The following OPHN1 variants were observed in gnomAD, a reference collection of about 807,000 sequenced individuals.
OPHN1 encodes the protein oligophrenin-1.
In OPHN1, 11 loss-of-function variants were observed where a neutral mutation model predicts 60.7. The ratio of observed to expected loss-of-function variants is 0.18; its 90% CI spans 0.11 to 0.30. The LOEUF is 0.30. OPHN1 is among the 10% of genes least tolerant of loss of function. The probability of loss-of-function intolerance (pLI) is 1.00; values close to 1 mark genes in which losing one functional copy is unlikely to be tolerated. For synonymous variants in OPHN1, 226 were observed against 222.6 expected (o/e 1.02, Z -0.14); for missense variants, 449 against 611.0 (o/e 0.73, Z 2.80).
intron 2 of OPHN1, among the ~76,000 whole-genome samples, chrX:68,422,152 A>G (rs186490957): frequency 1.8e-5 from 2 of 111,488 alleles, no homozygotes; most frequent in East Asian, 5.7e-4. Flanking sequence ...GAAACCTTCC[A>G]CTAATGCAAT....
chrX:68,224,311 A>G (rs1602251465), intron 6 of OPHN1, among the ~76,000 whole-genome samples: 1 of 111,694 alleles, frequency 9.0e-6, no homozygotes, highest in South Asian at 3.7e-4. Flanking sequence ...AAATGCCCCA[A>G]ATAATTGGAG....
intron 19 of OPHN1, among the ~76,000 whole-genome samples, chrX:68,078,860 C>A (rs985791748): frequency 9.1e-6 from 1 of 109,867 alleles, no homozygotes; most frequent in African/African-American, 3.3e-5. Flanking sequence ...TTGCAGCATG[C>A]CTGTAATCTC....
intron 15 of OPHN1, among the ~76,000 whole-genome samples, chrX:68,175,450 G>T (rs1318219189): frequency 1.8e-5 from 2 of 109,295 alleles, no homozygotes; most frequent in East Asian, 5.7e-4. Context: ...TTAAATCTTC[G>T]AAAAAGGAAA....
chrX:68,372,687 T>G (rs931144031), intron 2 of OPHN1, among the ~76,000 whole-genome samples: 5 of 110,635 alleles, frequency 4.5e-5, no homozygotes, highest in Non-Finnish European at 9.4e-5. Context: ...AATAAAACAT[T>G]TGTTTTGCCA....
intron 3 of OPHN1, among the ~76,000 whole-genome samples, chrX:68,296,969 G>A (rs1009594421): frequency 1.3e-4 from 14 of 110,878 alleles, no homozygotes; most frequent in African/African-American, 3.9e-4. Flanking sequence ...ATTGACATTT[G>A]CAGTGAGGTT....
At chrX:68,215,615 G>A (rs1486566113) in intron 6 of OPHN1, among the ~76,000 whole-genome samples, 1 of 111,591 alleles carries the variant, frequency 9.0e-6, no homozygotes, top group Non-Finnish European at 1.9e-5. Flanking sequence ...CTTGAAAGAA[G>A]CTAGAGAGAA....
chrX:68,200,960 C>A (rs897990077), intron 11 of OPHN1, among the ~76,000 whole-genome samples: 4 of 112,250 alleles, frequency 3.6e-5, no homozygotes, highest in African/African-American at 1.3e-4. Flanking sequence ...ATGCCAAATG[C>A]ATTCATTTGA....
At chrX:68,258,985 G>T (rs1295970530) in intron 5 of OPHN1, among the ~76,000 whole-genome samples, 1 of 111,883 alleles carries the variant, frequency 8.9e-6, no homozygotes, top group Non-Finnish European at 1.9e-5. Flanking sequence ...CAACCATTTT[G>T]TAGACCAATT....
intron 19 of OPHN1, among the ~76,000 whole-genome samples, chrX:68,081,788 G>A (rs186068617): frequency 0.021 from 2,299 of 111,056 alleles, 59 homozygotes; most frequent in African/African-American, 0.071. Context: ...AGTGGCTATG[G>A]CAATTTCTTA....
At chrX:68,396,231 G>A (rs1055502843) in intron 2 of OPHN1, among the ~76,000 whole-genome samples, 20 of 102,694 alleles carry the variant, frequency 1.9e-4, no homozygotes, top group Non-Finnish European at 3.8e-4. Flanking sequence ...CCAGGAGTTT[G>A]AGATGAGCCT....
At chrX:68,172,266 T>C (rs1262714482) in intron 15 of OPHN1, among the ~76,000 whole-genome samples, 2 of 112,266 alleles carry the variant, frequency 1.8e-5, no homozygotes, top group African/African-American at 6.5e-5. Flanking sequence ...AGAATATTAT[T>C]TGGCAATAAA....
chrX:68,128,423 A>G (rs1267319133), intron 15 of OPHN1, among the ~76,000 whole-genome samples: 1 of 111,469 alleles, frequency 9.0e-6, no homozygotes, highest in Admixed American at 9.6e-5. Context: ...TGAAGATATA[A>G]AAATCATAAG....
chrX:68,374,790 A>G (rs1451691391), intron 2 of OPHN1, among the ~76,000 whole-genome samples: 2 of 112,515 alleles, frequency 1.8e-5, no homozygotes, highest in African/African-American at 6.4e-5. Flanking sequence ...AATTAACAAC[A>G]AATTACATTA....
chrX:68,342,631 G>A (rs748228582), intron 2 of OPHN1, among the ~76,000 whole-genome samples: 3 of 112,173 alleles, frequency 2.7e-5, no homozygotes, highest in South Asian at 7.4e-4. Flanking sequence ...CATGTGGTTT[G>A]ATTCCATTTA....
At chrX:68,196,519 G>C (rs2077513296) in intron 12 of OPHN1, among the ~76,000 whole-genome samples, 1 of 112,193 alleles carries the variant, frequency 8.9e-6, no homozygotes, top group Non-Finnish European at 1.9e-5. Context: ...TCCAACACCA[G>C]GAAGCTGATA....
chrX:68,422,699 AAGAG>A (rs202003559), intron 2 of OPHN1, among the ~76,000 whole-genome samples: 23 of 85,349 alleles, frequency 2.7e-4, no homozygotes, highest in Admixed American at 1.5e-3. Flanking sequence ...GAAAGAAGGA[AAGAG>A]AGAGAGAGAA....
chrX:68,168,830 CA>C (rs2077373656), intron 15 of OPHN1, among the ~76,000 whole-genome samples: 1 of 111,073 alleles, frequency 9.0e-6, no homozygotes, highest in Non-Finnish European at 1.9e-5. Context: ...ATATCACCAC[CA>C]ATCCCACAGA....
chrX:68,066,460 A>C (rs1441615383), intron 20 of OPHN1, among the ~76,000 whole-genome samples: 1 of 111,601 alleles, frequency 9.0e-6, no homozygotes, highest in Non-Finnish European at 1.9e-5. Flanking sequence ...TGGCTCGGGA[A>C]AATAGGAAAT....
chrX:68,194,629 A>G (rs1243780307), intron 12 of OPHN1, 131 bp from the exon 13 acceptor site: 1 of 584,174 alleles, frequency 1.7e-6, no homozygotes, highest in African/African-American at 2.3e-5. Context: ...TGTTAAAAAG[A>G]TAGCCAAGTG....
Sources: allele counts gnomAD v4.1 joint callset (sites outside exome capture counted in the v4.1 genomes callset), GRCh38; gene constraint gnomAD v4.1.1; transcripts MANE v1.5; gene names NCBI Gene and HGNC (gene_info 2026-07-23, HGNC 2026-07-21).